Variants in RAP1GAP2 observed in about 807,000 individuals in gnomAD.
The protein encoded by RAP1GAP2 is rap1 GTPase-activating protein 2.
Under a neutral mutation model 95.0 loss-of-function variants are expected in RAP1GAP2, and 27 were observed. That is an observed-to-expected ratio of 0.28 (90% CI 0.21 to 0.39). RAP1GAP2 has a LOEUF of 0.39. Among genes scored for constraint, RAP1GAP2 ranks in the 10% least tolerant of loss-of-function variants. The probability of loss-of-function intolerance (pLI) is 1.00; values close to 1 mark genes in which losing one functional copy is unlikely to be tolerated. For missense variants in RAP1GAP2, 771 were observed against 970.0 expected (o/e 0.79, Z 2.72); for synonymous variants, 373 against 380.9 (o/e 0.98, Z 0.24).
chr17:2,843,110 C>T (rs1597417830), intron 2 of RAP1GAP2, among the ~76,000 whole-genome samples: 1 of 151,972 alleles, frequency 6.6e-6, no homozygotes, highest in African/African-American at 2.4e-5. Context: ...ACAGACAAAT[C>T]AGCAACAACA....
chr17:2,829,224 T>G (rs563948982), intron 2 of RAP1GAP2, among the ~76,000 whole-genome samples: 6 of 152,232 alleles, frequency 3.9e-5, no homozygotes, highest in African/African-American at 1.4e-4. Context: ...CCTCAGGTGA[T>G]CCACCCGCCT....
At chr17:2,947,293 G>A (rs943048517) in intron 3 of RAP1GAP2, among the ~76,000 whole-genome samples, 2 of 152,124 alleles carry the variant, frequency 1.3e-5, no homozygotes, top group African/African-American at 2.4e-5. Context: ...GTTGGAACAG[G>A]ACCTGATTCT....
At chr17:2,918,432 C>CAAAAAAAA in intron 3 of RAP1GAP2, among the ~76,000 whole-genome samples, 1 of 65,410 alleles carries the variant, frequency 1.5e-5, no homozygotes, top group South Asian at 5.4e-4. Flanking sequence ...GACTCCATCT[C>CAAAAAAAA]AAAAAAAAAA....
At chr17:2,822,725 C>CT (rs779450431) in intron 2 of RAP1GAP2, among the ~76,000 whole-genome samples, 13 of 132,212 alleles carry the variant, frequency 9.8e-5, no homozygotes, top group South Asian at 5.2e-4. Flanking sequence ...TTTAATTATA[C>CT]TTTAAGTTTT....
rs969467430 is a variant in RAP1GAP2, at chr17:2,857,747, G to A, written c.81-47537G>A. Among the ~76,000 whole-genome samples, 1 of 152,168 alleles carries A rather than the reference G, an allele frequency of 6.6e-6. No individual in the cohort carries two copies. The highest frequency in any genetic ancestry group is 1.5e-5 in the Non-Finnish European group (1 of 68,036). On this transcript the variant is annotated intron_variant, in intron 2 of 24. Coordinates refer to ENST00000254695, the MANE Select transcript of RAP1GAP2 (RefSeq NM_015085.5). This position sits in a 1 kb window ranked among gnomAD's most constrained non-coding sequence, Gnocchi z 4.0. ...TGGGTAGTGGGGAGCTTGGCTCCCT[G>A]AGGGGGAAAACAGGCAGCTTTGCTG...
At chr17:2,782,412 G>GC (rs1195741937) in intron 1 of RAP1GAP2, among the ~76,000 whole-genome samples, 3 of 152,104 alleles carry the variant, frequency 2.0e-5, no homozygotes, top group Admixed American at 6.6e-5. Flanking sequence ...GTGTGCTCTT[G>GC]CCCCCCTCCA....
At chr17:2,798,131 A>C (rs1300316699) in intron 1 of RAP1GAP2, among the ~76,000 whole-genome samples, 1 of 152,204 alleles carries the variant, frequency 6.6e-6, no homozygotes, top group Non-Finnish European at 1.5e-5. Context: ...CAGAATTCCA[A>C]GTTCTTCTCT....
intron 1 of RAP1GAP2, among the ~76,000 whole-genome samples, chr17:2,781,827 G>GTCTCTGTGTGTGCAC (rs1567643973): frequency 7.2e-6 from 1 of 139,856 alleles, no homozygotes; most frequent in African/African-American, 2.8e-5. Context: ...TGTGTGTGCA[G>GTCTCTGTGTGTGCAC]GTCTCTGTGT....
chr17:2,818,030 G>A (rs533511256), intron 2 of RAP1GAP2, among the ~76,000 whole-genome samples: 89 of 151,636 alleles, frequency 5.9e-4, no homozygotes, highest in African/African-American at 2.1e-3. Context: ...CAGAGACGGG[G>A]TTTCACTGTG....
intron 3 of RAP1GAP2, among the ~76,000 whole-genome samples, chr17:2,917,908 G>A (rs998140135): frequency 5.3e-5 from 8 of 151,598 alleles, no homozygotes; most frequent in Admixed American, 2.6e-4. Flanking sequence ...TAGAGATGGC[G>A]ATTAACCATG....
At chr17:2,769,133 G>A (rs940975402) in intron 1 of RAP1GAP2, among the ~76,000 whole-genome samples, 1 of 150,010 alleles carries the variant, frequency 6.7e-6, no homozygotes, top group Non-Finnish European at 1.5e-5. Context: ...TCAAGATACC[G>A]AGGCGAGAGG....
intron 2 of RAP1GAP2, among the ~76,000 whole-genome samples, chr17:2,881,868 T>A (rs1252018247): frequency 6.6e-6 from 1 of 152,250 alleles, no homozygotes; most frequent in Non-Finnish European, 1.5e-5. Context: ...TCGCCCAAGC[T>A]GGAGTGCAGT....
chr17:2,834,358 T>G (rs1054729470), intron 2 of RAP1GAP2, among the ~76,000 whole-genome samples: 8 of 152,188 alleles, frequency 5.3e-5, no homozygotes, highest in African/African-American at 1.9e-4. Context: ...AGGGGTTTTG[T>G]CTGCCAATCT....
chr17:2,991,494 AAC>A lies in RAP1GAP2; in HGVS notation c.914+103_914+104del, dbSNP rs1360367627. The A allele has an allele frequency of 2.7e-5, 24 of 896,180 alleles. No individual in the cohort carries two copies. In the East Asian group the frequency reaches 6.1e-4, roughly 23 times the overall value. The allele number at this position is 896,180 out of a possible 1,614,324, so 55.5% of individuals were successfully genotyped here. ...CCTCAGGGAGCACGTGTGAGTTAAA[AAC>A]ACACAAGAAATGAGGGATGGCTTTT... On this transcript the variant is annotated intron_variant, in intron 12 of 24. Transcript: ENST00000254695.
At chr17:2,894,460 A>C (rs2073820899) in intron 2 of RAP1GAP2, among the ~76,000 whole-genome samples, 1 of 152,004 alleles carries the variant, frequency 6.6e-6, no homozygotes, top group Non-Finnish European at 1.5e-5. Flanking sequence ...CTAAAACCCC[A>C]AAGCCCTACA....
chr17:3,031,613 G>A (rs1042213571), intron 23 of RAP1GAP2, among the ~76,000 whole-genome samples: 23 of 145,572 alleles, frequency 1.6e-4, no homozygotes, highest in Admixed American at 4.0e-4. Flanking sequence ...AGACTATCAA[G>A]AGCTCCAGGT....
chr17:2,781,876 G>A (rs1022827183), intron 1 of RAP1GAP2, among the ~76,000 whole-genome samples: 2 of 150,166 alleles, frequency 1.3e-5, no homozygotes, highest in African/African-American at 2.5e-5. Flanking sequence ...GTGTGTGCAC[G>A]TCTCTGTGTG....
chr17:2,889,889 A>ATATATATATTTTTT (rs1408426152), intron 2 of RAP1GAP2, among the ~76,000 whole-genome samples: 22 of 57,302 alleles, frequency 3.8e-4, no homozygotes, highest in East Asian at 1.3e-3. Context: ...ATATATATAT[A>ATATATATATTTTTT]TTTTTTTTTT....
At chr17:3,006,133 T>A in intron 16 of RAP1GAP2, 92 bp downstream of exon 16, 1 of 999,248 alleles carries the variant, frequency 1.0e-6, no homozygotes, top group South Asian at 1.4e-5. Context: ...TTTTTTTTTT[T>A]TTTTTTTTTT....
Sources: allele counts gnomAD v4.1 joint callset (sites outside exome capture counted in the v4.1 genomes callset), GRCh38; gene constraint gnomAD v4.1.1; non-coding constraint Gnocchi (gnomAD v3.1); transcripts MANE v1.5; gene names NCBI Gene and HGNC (gene_info 2026-07-23, HGNC 2026-07-21).